The following EFCAB6 variants were observed in gnomAD, a reference collection of about 807,000 sequenced individuals.
The protein encoded by EFCAB6 is EF-hand calcium-binding domain-containing protein 6.
EFCAB6 carries 156 observed loss-of-function variants against 169.8 expected under a neutral mutation model. The observed-to-expected ratio is 0.92, with a 90% CI of 0.81 to 1.05. The LOEUF is 1.05. EFCAB6 is among the 50% of genes least tolerant of loss of function. EFCAB6 has a pLI of 0.00. For synonymous variants in EFCAB6, 698 were observed against 676.4 expected (o/e 1.03, Z -0.50); for missense variants, 1,800 against 1,829.1 (o/e 0.98, Z 0.29).
chr22:43,772,746 G>T, intron 4 of EFCAB6, 146 bp downstream of exon 4: 1 of 750,784 alleles, frequency 1.3e-6, no homozygotes. Context: ...ATCTACATCA[G>T]CCTTAATTAA....
intron 27 of EFCAB6, chr22:43,552,578 CAT>C (rs541976723): frequency 1.1e-4 from 16 of 152,062 alleles, no homozygotes; most frequent in African/African-American, 3.6e-4. Flanking sequence ...AGCTTTTTTT[CAT>C]ATGTTTGTTG....
intron 27 of EFCAB6, among the ~76,000 whole-genome samples, chr22:43,545,520 C>G (rs1451423585): frequency 6.6e-6 from 1 of 152,184 alleles, no homozygotes; most frequent in Non-Finnish European, 1.5e-5. Context: ...GACGGGTGAA[C>G]AAAAACCTGA....
chr22:43,809,900 A>G (rs2063050893), intron 1 of EFCAB6, among the ~76,000 whole-genome samples: 1 of 150,426 alleles, frequency 6.6e-6, no homozygotes. Flanking sequence ...GCCACCGCGC[A>G]CAGCCTGTTT....
intron 27 of EFCAB6, among the ~76,000 whole-genome samples, chr22:43,551,019 G>A (rs951950291): frequency 2.0e-5 from 3 of 152,164 alleles, no homozygotes; most frequent in South Asian, 2.1e-4. Flanking sequence ...CCTCACGTTC[G>A]TGACTGTTGG....
At chr22:43,788,563 AAAAC>A (rs1384611083) in intron 2 of EFCAB6, among the ~76,000 whole-genome samples, 7 of 152,250 alleles carry the variant, frequency 4.6e-5, no homozygotes, top group Non-Finnish European at 7.3e-5. Flanking sequence ...AGGCTATAAT[AAAAC>A]AAACAAAGAA....
At chr22:43,609,919 T>G (rs1356432708) in intron 21 of EFCAB6, among the ~76,000 whole-genome samples, 3 of 152,158 alleles carry the variant, frequency 2.0e-5, no homozygotes, top group Non-Finnish European at 4.4e-5. Context: ...TAGGCAGTGG[T>G]GATGCTCAGA....
intron 2 of EFCAB6, among the ~76,000 whole-genome samples, chr22:43,793,241 G>T (rs1422635807): frequency 6.6e-6 from 1 of 152,198 alleles, no homozygotes; most frequent in Non-Finnish European, 1.5e-5. Flanking sequence ...GTACACTGCA[G>T]GGAGTACTCT....
chr22:43,781,008 C>T (rs561817790), intron 3 of EFCAB6, among the ~76,000 whole-genome samples: 27 of 152,282 alleles, frequency 1.8e-4, no homozygotes, highest in African/African-American at 6.5e-4. Context: ...TCTTTATCTC[C>T]CTCTCTAGAC....
intron 4 of EFCAB6, 102 bp downstream of exon 4, chr22:43,772,790 G>T: frequency 7.7e-7 from 1 of 1,290,812 alleles, no homozygotes; most frequent in South Asian, 1.4e-5. Flanking sequence ...CAACTGCTCA[G>T]TGGCAACAGT....
intron 13 of EFCAB6, among the ~76,000 whole-genome samples, chr22:43,674,588 G>T (rs1188911151): frequency 6.6e-6 from 1 of 152,212 alleles, no homozygotes; most frequent in Non-Finnish European, 1.5e-5. Flanking sequence ...CCACTGGAAA[G>T]GTGAAGGCAT....
intron 3 of EFCAB6, among the ~76,000 whole-genome samples, chr22:43,774,101 T>C (rs1306084870): frequency 2.6e-5 from 4 of 152,042 alleles, no homozygotes; most frequent in Non-Finnish European, 5.9e-5. Context: ...TCCTTTATAA[T>C]AATATTCACA....
At chr22:43,693,254 T>C (rs1476039273) in intron 10 of EFCAB6, among the ~76,000 whole-genome samples, 20 of 151,976 alleles carry the variant, frequency 1.3e-4, no homozygotes, top group Admixed American at 1.3e-3. Context: ...CCTGGAGCCA[T>C]GTGATCAAGG....
chr22:43,683,511 T>G (rs1011756320), intron 12 of EFCAB6, among the ~76,000 whole-genome samples: 1 of 152,188 alleles, frequency 6.6e-6, no homozygotes, highest in Non-Finnish European at 1.5e-5. Context: ...CTGGCACCTA[T>G]GTTACTGTAT....
intron 19 of EFCAB6, among the ~76,000 whole-genome samples, chr22:43,631,149 C>T (rs930836161): frequency 7.2e-5 from 11 of 151,760 alleles, no homozygotes; most frequent in African/African-American, 2.4e-4. Context: ...CCGTCCCTTC[C>T]CTTCTGGACT....
At chr22:43,747,337 C>T (rs565536848) in intron 6 of EFCAB6, among the ~76,000 whole-genome samples, 2 of 152,304 alleles carry the variant, frequency 1.3e-5, no homozygotes, top group East Asian at 3.9e-4. Flanking sequence ...CTCCTCTGAG[C>T]CTTCACTATG....
At chr22:43,757,136 T>G (rs1261096340) in intron 5 of EFCAB6, among the ~76,000 whole-genome samples, 3 of 152,208 alleles carry the variant, frequency 2.0e-5, no homozygotes, top group African/African-American at 7.2e-5. Flanking sequence ...TGTTCCCAAG[T>G]TAAAGATAGG....
At chr22:43,534,946 T>G in intron 29 of EFCAB6, 74 bp from the exon 30 acceptor site, 2 of 1,468,528 alleles carry the variant, frequency 1.4e-6, no homozygotes, top group Non-Finnish European at 1.9e-6. Flanking sequence ...CATTCAACAC[T>G]TGCTGAGACA....
At chr22:43,733,203 G>A (rs1301498837) in intron 7 of EFCAB6, among the ~76,000 whole-genome samples, 4 of 152,186 alleles carry the variant, frequency 2.6e-5, no homozygotes, top group East Asian at 1.9e-4. Context: ...TTGTGAAAAT[G>A]AGGTGGTAAG....
intron 8 of EFCAB6, among the ~76,000 whole-genome samples, 176 bp downstream of exon 8, chr22:43,731,523 C>T (rs1178350984): frequency 6.6e-6 from 1 of 152,148 alleles, no homozygotes; most frequent in African/African-American, 2.4e-5. Context: ...ACTCATTTAG[C>T]CTTTTCCTAT....
Sources: allele counts gnomAD v4.1 joint callset (sites outside exome capture counted in the v4.1 genomes callset), GRCh38; gene constraint gnomAD v4.1.1; transcripts MANE v1.5; gene names NCBI Gene and HGNC (gene_info 2026-07-23, HGNC 2026-07-21).